Variants in RTBDN observed in about 807,000 individuals in gnomAD.
The protein encoded by RTBDN is retbindin.
A neutral mutation model predicts 21.9 loss-of-function variants in RTBDN; 24 were observed. That is an observed-to-expected ratio of 1.10 (90% CI 0.79 to 1.54). The LOEUF (loss-of-function observed/expected upper bound fraction) is 1.54, where lower values mean the gene tolerates loss of function less well. RTBDN is among the 40% of genes most tolerant of loss of function. The pLI is 0.00. For missense variants in RTBDN, 325 were observed against 315.2 expected (o/e 1.03, Z -0.23); for synonymous variants, 141 against 125.9 (o/e 1.12, Z -0.80).
At chr19:12,827,075 C>T (rs909071273) in intron 4 of RTBDN, among the ~76,000 whole-genome samples, 2 of 152,134 alleles carry the variant, frequency 1.3e-5, no homozygotes, top group African/African-American at 4.8e-5. Flanking sequence ...CTCTGGGCCA[C>T]GTCACAACTG....
In RTBDN at chr19:12,828,835, T is replaced by C. The variant is rs779654456; in HGVS notation, c.254+34A>G. ...GGGAGTTCCTGGGCAATGGGCAAAG[T>C]ACGCGAGAAAACGGTGGAGGGTGCT... On this transcript the variant is annotated intron_variant, in intron 3 of 5. Transcript: ENST00000674343. The C allele has an allele frequency of 3.1e-6, 5 of 1,614,096 alleles. No homozygotes were observed. The South Asian group carries it at 5.5e-5, about 18-fold the overall frequency.
chr19:12,829,891 C>T lies in RTBDN; in HGVS notation c.89G>A (p.Gly30Glu). The T allele has an allele frequency of 1.2e-6, 2 of 1,614,160 alleles. No individual in the cohort carries two copies. The highest frequency in any genetic ancestry group is 2.2e-5 in the East Asian group (1 of 44,884). ...LAWILLEACGGSRPLQARSQQ... is the reference protein window; with the variant it reads ...LAWILLEACGESRPLQARSQQ... ...GGACCTGGCTTGGAGTGGGCGGCTC[C>T]CTCCACAGGCTTCTAGCAGGATCCA... Residue 30 changes from glycine to glutamate, a missense_variant, in exon 2 of 6, where the codon GGG becomes GAG. By Grantham distance (98) the Gly-to-Glu change is moderately conservative. Transcript: ENST00000674343.
chr19:12,833,861 C>T (rs1568402495), intron 1 of RTBDN: 2 of 379,416 alleles, frequency 5.3e-6, no homozygotes, highest in Non-Finnish European at 9.3e-6. Flanking sequence ...CCGCCGCCGC[C>T]GCCGCCGCCG....
At position 12,828,648 on chromosome 19, in the gene RTBDN, G is replaced by A. The variant is rs767075200; in HGVS notation, c.365+9C>T. On this transcript the variant is annotated intron_variant, in intron 4 of 5. Transcript: ENST00000674343. ...CACAACCCACGCCCCTTGCCCCCGC[G>A]TCTCCTACCAGGCCTGGCAGAGCTC... 2.6e-5 allele frequency: 42 copies of A among 1,604,974 alleles called. No homozygotes were observed. In the East Asian group the frequency reaches 4.2e-4, roughly 16 times the overall value.
intron 1 of RTBDN, among the ~76,000 whole-genome samples, chr19:12,831,805 C>T (rs571530142): frequency 6.6e-6 from 1 of 152,284 alleles, no homozygotes; most frequent in East Asian, 1.9e-4. Flanking sequence ...AGAAAAACAT[C>T]CCTGCAGAGG....
chr19:12,827,307 T>C (rs1969348424), intron 4 of RTBDN, among the ~76,000 whole-genome samples: 1 of 149,248 alleles, frequency 6.7e-6, no homozygotes, highest in Admixed American at 6.8e-5. Flanking sequence ...GTGCGCACCA[T>C]CATGTCCGAT....
rs1311431398 is a variant in RTBDN, at chr19:12,828,697, G to A, written c.325C>T (p.Arg109Cys). The A allele has an allele frequency of 4.3e-6, 7 of 1,614,042 alleles. No individual in the cohort carries two copies. Among genetic ancestry groups the A allele is most frequent in the African/African-American group, 1.3e-5 (1 of 74,932 alleles). Reference sequence around the variant, plus strand: ...TCCTCGCAGAGCGGCTGTGCCTGGCGTACCCCCAATAGCCGCAGGCGGAAG... The same window carrying A: ...TCCTCGCAGAGCGGCTGTGCCTGGCATACCCCCAATAGCCGCAGGCGGAAG... ...SRFRLRLLGV[R>C]QAQPLCEELC... is the part of the protein sequence containing the mutation. The change falls in exon 4 of 6, where the codon CGC (arginine) becomes TGC (cysteine). Residue 109 changes from arginine (R) to cysteine (C), a missense_variant. By Grantham distance (180) the Arg-to-Cys change is radical. Coordinates refer to ENST00000674343, the MANE Select transcript of RTBDN (RefSeq NM_001270441.2).
chr19:12,828,868 C>T lies in RTBDN; in HGVS notation c.254+1G>A, dbSNP rs374810646. On this transcript the variant is annotated splice_donor_variant, in intron 3 of 5. Transcript: ENST00000674343. LOFTEE classifies it high-confidence loss of function. ...AAAACGGTGGAGGGTGCTGTACTCA[C>T]TCAGGGCTCGGCACTCCACAGCGTT... 3.1e-6 allele frequency: 5 copies of T among 1,614,216 alleles called. No homozygotes were observed. Among genetic ancestry groups the T allele is most frequent in the Admixed American group, 3.3e-5 (2 of 60,020 alleles).
chr19:12,832,062 C>A (rs564929392), intron 1 of RTBDN, among the ~76,000 whole-genome samples: 2 of 152,024 alleles, frequency 1.3e-5, no homozygotes, highest in East Asian at 1.9e-4. Context: ...TGGATGTTTG[C>A]GTGTGTCTGC....
chr19:12,826,580 G>A, intron 5 of RTBDN, 195 bp downstream of exon 5: 1 of 706,380 alleles, frequency 1.4e-6, no homozygotes, highest in Non-Finnish European at 2.2e-6. Flanking sequence ...TGAAATCCCA[G>A]CTATTCGGGA....
intron 1 of RTBDN, among the ~76,000 whole-genome samples, chr19:12,832,193 T>A (rs548381673): frequency 4.6e-5 from 7 of 152,346 alleles, no homozygotes; most frequent in African/African-American, 1.7e-4. Flanking sequence ...TTACTGAATA[T>A]GTGACTGTGA....
In RTBDN at chr19:12,825,770, G is replaced by A. The variant is rs754861528; in HGVS notation, c.626C>T (p.Pro209Leu). 2.5e-6 allele frequency: 4 copies of A among 1,610,144 alleles called. No individual in the cohort carries two copies. The highest frequency in any genetic ancestry group is 3.4e-6 in the Non-Finnish European group (4 of 1,177,970). Residue 209 changes from proline to leucine, a missense_variant, in exon 6 of 6, where the codon CCT becomes CTT. Transcript: ENST00000674343. ...REAPSRRSRS[P>L]RTSILDAAGS... The stretch of plus-strand genomic sequence containing the variant: ...CGCAGCGTCCAGGATGGAGGTGCGA[G>A]GGCTGCGGGAACGCCGGGAGGGAGC...
chr19:12,829,942 G>T lies in RTBDN; in HGVS notation c.38C>A (p.Thr13Lys), dbSNP rs200846088. The T allele has an allele frequency of 1.9e-6, 3 of 1,613,982 alleles. No homozygotes were observed. In the African/African-American group the frequency reaches 4.0e-5, roughly 22 times the overall value. Residue 13 changes from threonine (T) to lysine (K), a missense_variant, in exon 2 of 6, where the codon ACG becomes AAG. Thr to Lys is a moderately conservative substitution (Grantham distance 78). Transcript: ENST00000674343. ...TGCCAAGGTCAGTTGCAGCACCCAC[G>T]TCAGGCCGATGGGTCGCATGTGGAC... ...CRVHMRPIGL[T>K]WVLQLTLAWI...
Position 12,825,907 on chromosome 19 carries a change from A to G in RTBDN, c.489T>C (p.Cys163=), listed in dbSNP as rs1249282036. 1 of 1,605,172 alleles carries G rather than the reference A, an allele frequency of 6.2e-7. No individual in the cohort carries two copies. ...GTAGGGCGTGGCCCAGAGCCGAGCG[A>G]CAAAGGTCCGTCCCGTCTGCGAAGG... The part of the protein sequence containing the change: ...GQTFADGTDL[C]RSALGHALPV... The change falls in exon 6 of 6, where the codon TGT becomes TGC. Residue 163 remains cysteine (C), a synonymous_variant. Coordinates refer to ENST00000674343, the MANE Select transcript of RTBDN (RefSeq NM_001270441.2).
At chr19:12,826,035 T>TCAGAGCC in intron 5 of RTBDN, 102 bp from the exon 6 acceptor site, 1 of 1,436,234 alleles carries the variant, frequency 7.0e-7, no homozygotes, top group Non-Finnish European at 9.1e-7. Context: ...GGGATTGGGG[T>TCAGAGCC]CAGAGCCGGA....
upstream of RTBDN, chr19:12,834,889 G>T: frequency 6.2e-7 from 1 of 1,604,000 alleles, no homozygotes; most frequent in Non-Finnish European, 8.5e-7. This position sits in a 1 kb window ranked among gnomAD's most constrained non-coding sequence, Gnocchi z 4.7. Context: ...ACGGAGGTCC[G>T]GTCCCAAACA....
intron 1 of RTBDN, among the ~76,000 whole-genome samples, chr19:12,833,735 C>T (rs1226319387): frequency 6.9e-6 from 1 of 144,024 alleles, no homozygotes; most frequent in Non-Finnish European, 1.5e-5. Context: ...CCCGCCCCTT[C>T]CCCCCGCCAG....
At chr19:12,826,504 G>C in intron 5 of RTBDN, 1 of 885,872 alleles carries the variant, frequency 1.1e-6, no homozygotes, top group South Asian at 1.7e-5. Flanking sequence ...AACCAGCCTG[G>C]CCAACATGGT....
In RTBDN at chr19:12,826,882, C is replaced by A. The variant is rs1352697628; in HGVS notation, c.366-11G>T. The stretch of plus-strand genomic sequence containing the variant: ...TCGCAGTTGGCGAACCTGGAGATGG[C>A]GAGTGGAGAGGTGGGTAAAGCCTTT... On this transcript the variant is annotated splice_polypyrimidine_tract_variant and intron_variant, in intron 4 of 5. Transcript: ENST00000674343. 12 of 1,539,912 alleles carry A rather than the reference C, an allele frequency of 7.8e-6. No homozygotes were observed. The highest frequency in any genetic ancestry group is 1.2e-5 in the South Asian group (1 of 83,804).
Sources: allele counts gnomAD v4.1 joint callset (sites outside exome capture counted in the v4.1 genomes callset), GRCh38; gene constraint gnomAD v4.1.1; non-coding constraint Gnocchi (gnomAD v3.1); transcripts MANE v1.5; gene names NCBI Gene and HGNC (gene_info 2026-07-23, HGNC 2026-07-21).